The following FER1L6 variants were observed in gnomAD, a reference collection of about 807,000 sequenced individuals.
The protein encoded by FER1L6 is fer-1 like family member 6, also known as fer-1-like protein 6.
A neutral mutation model predicts 219.2 loss-of-function variants in FER1L6; 177 were observed. The observed-to-expected ratio is 0.81, with a 90% CI of 0.71 to 0.91. The LOEUF is 0.91. Ranked by LOEUF, FER1L6 falls within the 40% of genes least tolerant of loss-of-function variation. The pLI is 0.00. For synonymous variants in FER1L6, 768 were observed against 824.3 expected, an observed-to-expected ratio of 0.93 and a Z score of 1.17; for missense variants, 2,153 against 2,259.9, an observed-to-expected ratio of 0.95 and a Z score of 0.96.
intron 18 of FER1L6, among the ~76,000 whole-genome samples, chr8:124,031,792 G>C (rs1346852427): frequency 1.3e-5 from 2 of 152,108 alleles, no homozygotes; most frequent in African/African-American, 4.8e-5. Context: ...GTTGAGGGAA[G>C]GCAGGGGCAG....
intron 1 of FER1L6, among the ~76,000 whole-genome samples, chr8:123,877,862 C>A (rs927188844): frequency 2.0e-5 from 3 of 151,820 alleles, no homozygotes; most frequent in African/African-American, 7.3e-5. Context: ...GAATCACCAG[C>A]CATGGTAGAA....
intron 11 of FER1L6, among the ~76,000 whole-genome samples, chr8:123,981,548 C>T (rs188012827): frequency 1.7e-4 from 26 of 152,200 alleles, no homozygotes; most frequent in Admixed American, 6.5e-4. Flanking sequence ...GCGATAATTT[C>T]GGGTAGGGAA....
intron 28 of FER1L6, among the ~76,000 whole-genome samples, chr8:124,069,066 A>G (rs1820951921): frequency 6.6e-6 from 1 of 151,238 alleles, no homozygotes; most frequent in Non-Finnish European, 1.5e-5. Flanking sequence ...CCTCCCGAGT[A>G]GCTGGGACTA....
intron 5 of FER1L6, among the ~76,000 whole-genome samples, chr8:123,969,494 C>T (rs1815699176): frequency 1.3e-5 from 2 of 152,196 alleles, no homozygotes; most frequent in South Asian, 4.2e-4. Flanking sequence ...TTCATGTTGC[C>T]AGTGAGAATA....
intron 5 of FER1L6, among the ~76,000 whole-genome samples, chr8:123,969,555 T>C (rs1285213351): frequency 3.3e-5 from 5 of 152,226 alleles, no homozygotes; most frequent in Non-Finnish European, 5.9e-5. Flanking sequence ...AAAAGTTATA[T>C]GCACTTAATC....
chr8:123,925,266 C>T (rs573326110), intron 1 of FER1L6, among the ~76,000 whole-genome samples: 3 of 152,286 alleles, frequency 2.0e-5, no homozygotes, highest in Admixed American at 6.5e-5. Context: ...CCTCTGCCTC[C>T]CTGTAGCTCT....
intron 5 of FER1L6, among the ~76,000 whole-genome samples, chr8:123,967,958 G>GAA (rs879849276): frequency 3.6e-5 from 5 of 140,648 alleles, no homozygotes; most frequent in Admixed American, 7.1e-5. Flanking sequence ...GTTGTCTCAG[G>GAA]AAAAAAAAAA....
At chr8:124,118,149 A>G (rs1484658805) in intron 39 of FER1L6, among the ~76,000 whole-genome samples, 1 of 152,180 alleles carries the variant, frequency 6.6e-6, no homozygotes, top group Non-Finnish European at 1.5e-5. Flanking sequence ...GATCCCCAAA[A>G]GTGCCGAATG....
rs1010649661 is a variant in FER1L6, at chr8:123,879,219, G to A, written c.-8+27034G>A. The stretch of plus-strand genomic sequence containing the variant: ...TCCAGAGGCTGAAGCGGGAAGATCA[G>A]TTGAGCTCAGTGGTTTGAGGCTTCA... On this transcript the variant is annotated intron_variant, in intron 1 of 40. Coordinates refer to ENST00000522917, the MANE Select transcript of FER1L6 (RefSeq NM_001039112.2). Among the ~76,000 whole-genome samples, 74 of 152,188 alleles carry A rather than the reference G, an allele frequency of 4.9e-4. 4 individuals are homozygous for A. The highest frequency in any genetic ancestry group is 2.9e-5 in the Non-Finnish European group (2 of 68,040).
chr8:123,944,778 TC>T (rs1198291376), intron 1 of FER1L6, among the ~76,000 whole-genome samples: 3 of 152,124 alleles, frequency 2.0e-5, no homozygotes, highest in Non-Finnish European at 2.9e-5. Flanking sequence ...CTCCTTTCCC[TC>T]ACAGGGCTTC....
chr8:123,952,631 CT>C (rs1814823061), intron 1 of FER1L6, among the ~76,000 whole-genome samples: 1 of 152,128 alleles, frequency 6.6e-6, no homozygotes, highest in Admixed American at 6.5e-5. Context: ...GTGGTGGCAG[CT>C]GCCTTAGTGG....
chr8:124,040,094 T>C, intron 20 of FER1L6, 88 bp downstream of exon 20: 2 of 1,540,572 alleles, frequency 1.3e-6, no homozygotes, highest in Non-Finnish European at 8.9e-7. Context: ...AACGGGGGCA[T>C]GTTGCAAATA....
intron 1 of FER1L6, among the ~76,000 whole-genome samples, chr8:123,898,005 C>T (rs776598400): frequency 1.1e-4 from 16 of 151,880 alleles, no homozygotes; most frequent in Non-Finnish European, 2.4e-4. Flanking sequence ...AAATGGCAGG[C>T]TGGATACTTG....
Position 124,010,763 on chromosome 8 carries a change from G to A in FER1L6, c.1821+49G>A, listed in dbSNP as rs373113701. 47 of 1,600,230 alleles carry A rather than the reference G, an allele frequency of 2.9e-5. No homozygotes were observed. In the African/African-American group the frequency reaches 3.1e-4, roughly 11 times the overall value. Reference sequence around the variant, plus strand: ...GATTAGAGAATTGGGAAGCTGGTGGGGGAAGGGATTTTTAAAATCCACCTA... The same window carrying A: ...GATTAGAGAATTGGGAAGCTGGTGGAGGAAGGGATTTTTAAAATCCACCTA... On this transcript the variant is annotated intron_variant, in intron 14 of 40. Coordinates refer to ENST00000522917, the MANE Select transcript of FER1L6 (RefSeq NM_001039112.2).
Position 124,010,635 on chromosome 8 carries a change from T to C in FER1L6, c.1742T>C (p.Val581Ala). The C allele has an allele frequency of 6.2e-7, 1 of 1,614,118 alleles. No homozygotes were observed. Among genetic ancestry groups the C allele is most frequent in the South Asian group, 1.1e-5 (1 of 91,064 alleles). ...CCATTTGAGGCTAAGAAGCCCTGTG[T>C]CTATTTCATCAGCTCTTGGGGAGAC... Reference protein sequence around the residue: ...YLPFEAKKPCVYFISSWGDQT... With the variant: ...YLPFEAKKPCAYFISSWGDQT... Residue 581 changes from valine to alanine, a missense_variant, in exon 14 of 41, where the codon GTC (valine) becomes GCC (alanine). By Grantham distance (64) the Val-to-Ala change is moderately conservative (BLOSUM62 0). Coordinates refer to ENST00000522917, the MANE Select transcript of FER1L6 (RefSeq NM_001039112.2).
At chr8:123,963,742 T>C (rs1815406658) in intron 3 of FER1L6, among the ~76,000 whole-genome samples, 1 of 152,228 alleles carries the variant, frequency 6.6e-6, no homozygotes, top group South Asian at 2.1e-4. Flanking sequence ...CTTAGCTTCT[T>C]GTCTGTCTCA....
intron 32 of FER1L6, among the ~76,000 whole-genome samples, chr8:124,077,876 A>G (rs140540290): frequency 8.8e-4 from 134 of 152,332 alleles, no homozygotes; most frequent in African/African-American, 3.1e-3. Context: ...GGAAGAGAAG[A>G]GGGTTCTTGT....
chr8:123,941,753 G>A (rs982006547), intron 1 of FER1L6, among the ~76,000 whole-genome samples: 13 of 152,170 alleles, frequency 8.5e-5, no homozygotes, highest in African/African-American at 2.2e-4. Flanking sequence ...TGGAGTTATT[G>A]AACTCTGATA....
rs747486717 is a variant in FER1L6 at position 124,060,688 on chromosome 8, C to T, written c.3126C>T (p.Ile1042=). The T allele has an allele frequency of 1.2e-6, 2 of 1,614,058 alleles. No individual in the cohort carries two copies. Reference sequence around the variant, plus strand: ...ACAAGAACAACCCGAACTTCAGCATCCAGGCAGACGCTTTCGAAGTGGTGC... The same window carrying T: ...ACAAGAACAACCCGAACTTCAGCATTCAGGCAGACGCTTTCGAAGTGGTGC... The part of the protein sequence containing the change: ...QSYKNNPNFS[I]QADAFEVELP... The change falls in exon 24 of 41, where the codon ATC becomes ATT. Residue 1042 remains isoleucine, a synonymous_variant. Coordinates refer to ENST00000522917, the MANE Select transcript of FER1L6 (RefSeq NM_001039112.2).
Sources: allele counts gnomAD v4.1 joint callset (sites outside exome capture counted in the v4.1 genomes callset), GRCh38; gene constraint gnomAD v4.1.1; transcripts MANE v1.5; gene names NCBI Gene and HGNC (gene_info 2026-07-23, HGNC 2026-07-21).